The following PTPRD variants were observed in gnomAD, a reference collection of about 807,000 sequenced individuals.
The protein encoded by PTPRD is protein tyrosine phosphatase receptor type D.
In PTPRD, 34 loss-of-function variants were observed where a neutral mutation model predicts 214.5. The observed-to-expected ratio is 0.16, with a 90% CI of 0.12 to 0.21. The LOEUF is 0.21. PTPRD is among the 10% of genes least tolerant of loss of function. PTPRD has a pLI of 1.00. For missense variants in PTPRD, 2,545 were observed against 2,398.7 expected (o/e 1.06, Z -1.27); for synonymous variants, 1,128 against 845.7 (o/e 1.33, Z -5.79).
In PTPRD at chr9:8,453,203, G is replaced by A. The variant is rs1187765637; in HGVS notation, c.3876-3366C>T. ...GAAAGGTACGGAGTCCCACTCTGTCGCCCAGGCTGGAGTGCAGTGGTGCGA... is the reference window on the plus strand; with the variant it reads ...GAAAGGTACGGAGTCCCACTCTGTCACCCAGGCTGGAGTGCAGTGGTGCGA... On this transcript the variant is annotated intron_variant, in intron 33 of 45. Transcript: ENST00000381196. Among the ~76,000 whole-genome samples the A allele has an allele frequency of 5.3e-5, 8 of 152,230 alleles. No individual in the cohort carries two copies. In the East Asian group the frequency reaches 7.7e-4, roughly 15 times the overall value.
intron 5 of PTPRD, among the ~76,000 whole-genome samples, chr9:9,834,561 C>A (rs1041029897): frequency 6.6e-6 from 1 of 151,964 alleles, no homozygotes. Context: ...AAGATAACAG[C>A]CACCAGCAGG....
chr9:10,049,407 A>AGAAAGAAAGAAAGAAAGAAAGAAAG (rs1266009020), intron 3 of PTPRD, among the ~76,000 whole-genome samples: 9 of 115,696 alleles, frequency 7.8e-5, no homozygotes, highest in Non-Finnish European at 1.6e-4. Flanking sequence ...TTAAAAAAAA[A>AGAAAGAAAGAAAGAAAGAAAGAAAG]AAAGAAAGAA....
chr9:9,595,476 ATACACATGTATGCATATG>A (rs1427645725), intron 7 of PTPRD, among the ~76,000 whole-genome samples: 2 of 150,714 alleles, frequency 1.3e-5, no homozygotes, highest in African/African-American at 4.9e-5. Context: ...GTACACATGC[ATACACATGTATGCATATG>A]TACACATGTA....
At chr9:9,228,787 T>C (rs1202714584) in intron 9 of PTPRD, among the ~76,000 whole-genome samples, 1 of 152,144 alleles carries the variant, frequency 6.6e-6, no homozygotes, top group Non-Finnish European at 1.5e-5. Flanking sequence ...TAATTTCTTT[T>C]CCTTTTCCCT....
At chr9:8,885,568 C>G (rs1200521339) in intron 11 of PTPRD, among the ~76,000 whole-genome samples, 4 of 144,220 alleles carry the variant, frequency 2.8e-5, no homozygotes, top group Non-Finnish European at 4.5e-5. Flanking sequence ...GGGATCTCGG[C>G]TCACTGAAAC....
At chr9:8,971,484 G>C (rs750821080) in intron 11 of PTPRD, among the ~76,000 whole-genome samples, 3 of 151,734 alleles carry the variant, frequency 2.0e-5, no homozygotes, top group Non-Finnish European at 4.4e-5. Context: ...GGGAAGGACA[G>C]TTATGCCTAA....
chr9:9,210,951 T>A (rs1292099269), intron 9 of PTPRD, among the ~76,000 whole-genome samples: 1 of 152,190 alleles, frequency 6.6e-6, no homozygotes, highest in East Asian at 1.9e-4. Flanking sequence ...TTTTTATTTT[T>A]CTGAAATTTC....
chr9:10,424,575 C>T (rs2098594878), intron 2 of PTPRD, among the ~76,000 whole-genome samples: 1 of 151,868 alleles, frequency 6.6e-6, no homozygotes, highest in South Asian at 2.1e-4. Context: ...CTTGTCCTCT[C>T]TCCCACCTGT....
At chr9:8,889,212 T>C (rs73433181) in intron 11 of PTPRD, among the ~76,000 whole-genome samples, 2,585 of 152,116 alleles carry the variant, frequency 0.017, 69 homozygotes, top group African/African-American at 0.06. Context: ...TTGAAGATGA[T>C]ATTTACTAAA....
In PTPRD at chr9:9,489,428, C is replaced by A. The variant is rs2095805969; in HGVS notation, c.-237+85304G>T. 3.3e-5 allele frequency among the ~76,000 whole-genome samples: 5 copies of A among 152,174 alleles called. No individual in the cohort carries two copies. In the South Asian group the frequency reaches 1.0e-3, roughly 32 times the overall value. ...TTCAAAAGAAAAAAATAAACTGTCC[C>A]TGACAAAGCTTGATGACACATCTAC... On this transcript the variant is annotated intron_variant, in intron 8 of 45. Transcript: ENST00000381196.
intron 37 of PTPRD, among the ~76,000 whole-genome samples, chr9:8,381,900 A>G (rs1024236293): frequency 2.6e-5 from 4 of 152,236 alleles, no homozygotes; most frequent in Admixed American, 6.5e-5. Flanking sequence ...TAACCAGAGC[A>G]GAACTGTGTG....
intron 4 of PTPRD, among the ~76,000 whole-genome samples, chr9:10,006,061 A>C (rs1162059432): frequency 6.6e-6 from 1 of 152,064 alleles, no homozygotes; most frequent in African/African-American, 2.4e-5. Flanking sequence ...GGTATTATAC[A>C]AAAAATGAGA....
rs183019949 is a variant in PTPRD, at chr9:8,640,286, T to C, written c.65-3442A>G. Among the ~76,000 whole-genome samples, 43 of 152,002 alleles carry C rather than the reference T, an allele frequency of 2.8e-4. 1 individual carries two copies. In the East Asian group the frequency reaches 7.9e-3, roughly 28 times the overall value. Reference sequence around the variant, plus strand: ...AAATATGCCACCCAGGAGGCAGAGGTTGCAGTGAGCCGAGATCACGCCACT... The same window carrying C: ...AAATATGCCACCCAGGAGGCAGAGGCTGCAGTGAGCCGAGATCACGCCACT... On this transcript the variant is annotated intron_variant, in intron 12 of 45. Transcript: ENST00000381196.
intron 4 of PTPRD, among the ~76,000 whole-genome samples, chr9:9,955,599 C>G (rs968976941): frequency 1.3e-5 from 2 of 150,802 alleles, no homozygotes; most frequent in African/African-American, 4.9e-5. Flanking sequence ...TCTTGGCTAA[C>G]TGCAAGCTCC....
At chr9:10,011,192 A>C (rs933864477) in intron 4 of PTPRD, among the ~76,000 whole-genome samples, 2 of 151,982 alleles carry the variant, frequency 1.3e-5, no homozygotes, top group East Asian at 3.8e-4. Flanking sequence ...TGGAAGGTTC[A>C]GCAGAACCTT....
intron 4 of PTPRD, among the ~76,000 whole-genome samples, chr9:10,005,588 T>C (rs1029522034): frequency 1.3e-5 from 2 of 152,092 alleles, no homozygotes; most frequent in East Asian, 1.9e-4. Flanking sequence ...CCTAAAGAAA[T>C]AGTAGAAATG....
chr9:10,557,097 C>T (rs2062784478), intron 2 of PTPRD, among the ~76,000 whole-genome samples: 1 of 151,936 alleles, frequency 6.6e-6, no homozygotes, highest in Admixed American at 6.6e-5. Context: ...CCATGGCTTT[C>T]ATTACAAAGG....
At chr9:10,043,925 T>A (rs550106458) in intron 3 of PTPRD, among the ~76,000 whole-genome samples, 25 of 151,980 alleles carry the variant, frequency 1.6e-4, no homozygotes, top group East Asian at 3.9e-4. Flanking sequence ...GTGATTTATA[T>A]TAACTCTTCT....
At chr9:10,415,931 A>G (rs146739311) in intron 2 of PTPRD, among the ~76,000 whole-genome samples, 1 of 152,012 alleles carries the variant, frequency 6.6e-6, no homozygotes, top group African/African-American at 2.4e-5. Flanking sequence ...TTTACAGGAG[A>G]GTCTAAGCAG....
Sources: allele counts gnomAD v4.1 joint callset (sites outside exome capture counted in the v4.1 genomes callset), GRCh38; gene constraint gnomAD v4.1.1; transcripts MANE v1.5; gene names NCBI Gene and HGNC (gene_info 2026-07-23, HGNC 2026-07-21).